COA1: variants seen among roughly 807,000 people sequenced by gnomAD.
The protein encoded by COA1 is cytochrome c oxidase assembly factor 1, also known as cytochrome c oxidase assembly factor 1 homolog.
In COA1, 13 loss-of-function variants were observed where a neutral mutation model predicts 16.0. That is an observed-to-expected ratio of 0.81 (90% CI 0.53 to 1.29). COA1 has a LOEUF of 1.29. Ranked by LOEUF, COA1 falls within the 50% of genes most tolerant of loss-of-function variation. The pLI is 0.00. For missense variants in COA1, 179 were observed against 177.0 expected, an observed-to-expected ratio of 1.01 and a Z score of -0.06; for synonymous variants, 65 against 65.7, an observed-to-expected ratio of 0.99 and a Z score of 0.05.
chr7:43,653,893 T>C (rs2091299023), intron 1 of COA1, among the ~76,000 whole-genome samples: 1 of 152,122 alleles, frequency 6.6e-6, no homozygotes, highest in African/African-American at 2.4e-5. Context: ...GAAGATGCCA[T>C]TTAGTTTAAG....
chr7:43,684,891 CT>C (rs1263248815), intron 1 of COA1, among the ~76,000 whole-genome samples: 1 of 152,022 alleles, frequency 6.6e-6, no homozygotes, highest in African/African-American at 2.4e-5. Context: ...AAACTTTAGA[CT>C]TTATTATCTT....
intron 1 of COA1, among the ~76,000 whole-genome samples, chr7:43,689,458 G>A (rs1020452045): frequency 6.6e-6 from 1 of 152,156 alleles, no homozygotes; most frequent in South Asian, 2.1e-4. Context: ...ACACTTCTCA[G>A]CAGGCAGAAT....
chr7:43,632,763 G>T (rs546965569), intron 6 of COA1: 2 of 152,296 alleles, frequency 1.3e-5, no homozygotes, highest in South Asian at 4.2e-4. Context: ...TGCCCAGGCT[G>T]GTCTTGAACT....
chr7:43,640,411 T>C (rs1031957276), intron 5 of COA1, among the ~76,000 whole-genome samples, 162 bp downstream of exon 5: 1 of 152,264 alleles, frequency 6.6e-6, no homozygotes, highest in Non-Finnish European at 1.5e-5. Flanking sequence ...AGAGCCGCAG[T>C]ACTGGCTTGC....
intron 4 of COA1, among the ~76,000 whole-genome samples, chr7:43,644,484 T>C (rs1584267367): frequency 1.3e-5 from 2 of 151,598 alleles, no homozygotes; most frequent in Non-Finnish European, 2.9e-5. Flanking sequence ...GTTTAAAGAG[T>C]TGGGTACATT....
chr7:43,672,090 C>T (rs879559637), intron 1 of COA1, among the ~76,000 whole-genome samples: 1 of 151,946 alleles, frequency 6.6e-6, no homozygotes, highest in Non-Finnish European at 1.5e-5. Flanking sequence ...CAAAAACAAC[C>T]CCATACAAAG....
At chr7:43,694,685 C>T (rs2094476107) in intron 1 of COA1, among the ~76,000 whole-genome samples, 1 of 152,202 alleles carries the variant, frequency 6.6e-6, no homozygotes. Context: ...ACTGGAATAG[C>T]CCAGGGCTCA....
intron 1 of COA1, among the ~76,000 whole-genome samples, chr7:43,653,086 G>A (rs1033469886): frequency 7.2e-5 from 11 of 152,182 alleles, no homozygotes; most frequent in Non-Finnish European, 1.5e-4. Flanking sequence ...GCCGAGGCGG[G>A]TGGATCACGA....
At chr7:43,690,749 C>G (rs998770716) in intron 1 of COA1, among the ~76,000 whole-genome samples, 1 of 151,954 alleles carries the variant, frequency 6.6e-6, no homozygotes, top group African/African-American at 2.4e-5. Context: ...CAGAGATTGT[C>G]CTAATGAATA....
chr7:43,704,619 A>G (rs139385686), intron 1 of COA1, among the ~76,000 whole-genome samples: 7 of 152,242 alleles, frequency 4.6e-5, no homozygotes, highest in African/African-American at 1.7e-4. Flanking sequence ...AACACTTCCA[A>G]TTGCATTCTG....
chr7:43,618,336 G>A (rs991036487), intron 6 of COA1, among the ~76,000 whole-genome samples: 1 of 152,178 alleles, frequency 6.6e-6, no homozygotes, highest in African/African-American at 2.4e-5. Flanking sequence ...GGCAGAAAAG[G>A]GGAGAGGGCG....
intron 1 of COA1, among the ~76,000 whole-genome samples, chr7:43,704,627 C>T (rs1034440139): frequency 6.6e-6 from 1 of 152,202 alleles, no homozygotes; most frequent in African/African-American, 2.4e-5. Flanking sequence ...CAATTGCATT[C>T]TGAAATTCCT....
At chr7:43,675,468 G>A (rs1328405086) in intron 1 of COA1, among the ~76,000 whole-genome samples, 1 of 146,738 alleles carries the variant, frequency 6.8e-6, no homozygotes, top group Non-Finnish European at 1.5e-5. Flanking sequence ...GGGCAGGGGG[G>A]AGGGATAGCA....
At chr7:43,701,153 TG>T (rs1171590494) in intron 1 of COA1, among the ~76,000 whole-genome samples, 1 of 151,164 alleles carries the variant, frequency 6.6e-6, no homozygotes, top group Admixed American at 6.6e-5. Context: ...ATTTTTTACA[TG>T]GGTATACTGC....
At chr7:43,648,408 AG>A (rs1350480780) in intron 2 of COA1, 191 bp downstream of exon 2, 2 of 711,058 alleles carry the variant, frequency 2.8e-6, no homozygotes, top group African/African-American at 3.5e-5. Flanking sequence ...CGCCAGCATG[AG>A]ACACGAGAGA....
intron 1 of COA1, among the ~76,000 whole-genome samples, chr7:43,719,870 G>GA (rs1273113085): frequency 6.6e-6 from 1 of 152,216 alleles, no homozygotes; most frequent in African/African-American, 2.4e-5. Context: ...TGAACAAGGG[G>GA]AAACTGGCAT....
intron 6 of COA1, chr7:43,624,024 C>A: frequency 1.7e-6 from 1 of 593,530 alleles, no homozygotes. Context: ...AATGGAAACA[C>A]AAAAATGTTG....
At chr7:43,699,825 T>C (rs891504237) in intron 1 of COA1, among the ~76,000 whole-genome samples, 24 of 152,180 alleles carry the variant, frequency 1.6e-4, no homozygotes, top group African/African-American at 4.1e-4. Flanking sequence ...TGCGGAATTC[T>C]TGAGGCATGA....
intron 1 of COA1, among the ~76,000 whole-genome samples, chr7:43,710,508 T>A (rs959548433): frequency 4.0e-5 from 6 of 151,270 alleles, no homozygotes; most frequent in African/African-American, 1.5e-4. Context: ...GAAGATGAAA[T>A]GGATAGCTCT....
Sources: allele counts gnomAD v4.1 joint callset (sites outside exome capture counted in the v4.1 genomes callset), GRCh38; gene constraint gnomAD v4.1.1; transcripts MANE v1.5; gene names NCBI Gene and HGNC (gene_info 2026-07-23, HGNC 2026-07-21).